KCNH7: variants seen among roughly 807,000 people sequenced by gnomAD.
KCNH7 encodes the protein voltage-gated inwardly rectifying potassium channel KCNH7.
A neutral mutation model predicts 120.8 loss-of-function variants in KCNH7; 49 were observed. The ratio of observed to expected loss-of-function variants is 0.41; its 90% confidence interval spans 0.32 to 0.51. The LOEUF (loss-of-function observed/expected upper bound fraction) is 0.51, where lower values mean the gene tolerates loss of function less well. Among genes scored for constraint, KCNH7 ranks in the 20% least tolerant of loss-of-function variants. The pLI is 0.38. For missense variants in KCNH7, 1,097 were observed against 1,446.6 expected, an observed-to-expected ratio of 0.76 and a Z score of 3.92; for synonymous variants, 547 against 516.1, an observed-to-expected ratio of 1.06 and a Z score of -0.81.
intron 3 of KCNH7, among the ~76,000 whole-genome samples, chr2:162,519,489 T>C (rs1208178791): frequency 6.6e-6 from 1 of 151,826 alleles, no homozygotes; most frequent in Non-Finnish European, 1.5e-5. Context: ...AGTGGGTGGG[T>C]TTGGAAGAAG....
chr2:162,707,260 A>G (rs1454513322), intron 2 of KCNH7, among the ~76,000 whole-genome samples: 1 of 152,134 alleles, frequency 6.6e-6, no homozygotes. Context: ...GAAAGAGCAA[A>G]CAGAATTCAT....
intron 2 of KCNH7, among the ~76,000 whole-genome samples, chr2:162,602,329 A>G (rs1694587219): frequency 6.6e-6 from 1 of 152,112 alleles, no homozygotes; most frequent in African/African-American, 2.4e-5. Flanking sequence ...AGTCTGAGGC[A>G]TGGTGGCTGA....
chr2:162,541,296 A>G (rs1457244077), intron 2 of KCNH7, among the ~76,000 whole-genome samples: 1 of 152,090 alleles, frequency 6.6e-6, no homozygotes, highest in Admixed American at 6.6e-5. Flanking sequence ...ATATAGTTGG[A>G]AAACTATGTG....
intron 9 of KCNH7, among the ~76,000 whole-genome samples, chr2:162,403,969 C>A (rs1049528291): frequency 6.6e-6 from 1 of 151,806 alleles, no homozygotes; most frequent in Non-Finnish European, 1.5e-5. Flanking sequence ...TCCAGGGCAC[C>A]CCTTTTCATT....
In KCNH7 at chr2:162,838,735, A is replaced by G. The variant is rs1274624724; in HGVS notation, c.-217T>C. On this transcript the variant is annotated 5_prime_UTR_variant, in exon 1 of 16. Transcript: ENST00000332142. The stretch of plus-strand genomic sequence containing the variant: ...CCTCACCTTCCGGAGGGGGCCTCGC[A>G]CCGGACTGCCGCGGGTGAGAGGGTT... 1 of 240,674 alleles carries G rather than the reference A, an allele frequency of 4.2e-6. No homozygotes were observed. The highest frequency in any genetic ancestry group is 2.4e-5 in the African/African-American group (1 of 42,324). 14.9% of individuals were successfully genotyped at this position (240,674 alleles called of 1,614,324 possible). A position where few individuals can be genotyped will look rare whatever the true frequency, so the allele number is the denominator to read the frequency against.
intron 2 of KCNH7, among the ~76,000 whole-genome samples, chr2:162,555,010 A>G (rs972478872): frequency 6.6e-6 from 1 of 152,168 alleles, no homozygotes; most frequent in Non-Finnish European, 1.5e-5. Context: ...ACACATCTAT[A>G]TGTATAAACA....
At chr2:162,491,658 G>A (rs957120563) in intron 6 of KCNH7, among the ~76,000 whole-genome samples, 1 of 152,158 alleles carries the variant, frequency 6.6e-6, no homozygotes, top group Non-Finnish European at 1.5e-5. Flanking sequence ...AGTTGCATTG[G>A]CATTCATGGG....
intron 2 of KCNH7, among the ~76,000 whole-genome samples, chr2:162,726,712 A>G (rs1574312217): frequency 6.6e-6 from 1 of 152,114 alleles, no homozygotes; most frequent in East Asian, 1.9e-4. Flanking sequence ...GAGACATGGC[A>G]CCCAGCCTAT....
At chr2:162,396,639 C>T (rs79777866) in intron 11 of KCNH7, 101 bp downstream of exon 11, 177 of 803,184 alleles carry the variant, frequency 2.2e-4, no homozygotes, top group Non-Finnish European at 3.4e-4. Context: ...TTGGTAAAGT[C>T]TTGCTGCAAT....
At chr2:162,447,717 G>A (rs1357974348) in intron 6 of KCNH7, among the ~76,000 whole-genome samples, 2 of 152,048 alleles carry the variant, frequency 1.3e-5, no homozygotes, top group African/African-American at 2.4e-5. Flanking sequence ...GTTTTAACTT[G>A]ACTGTAGTAA....
chr2:162,404,216 T>G (rs1025124711), intron 9 of KCNH7, among the ~76,000 whole-genome samples: 2 of 151,980 alleles, frequency 1.3e-5, no homozygotes, highest in Non-Finnish European at 2.9e-5. Context: ...CTTTCTTGAC[T>G]GTCCATGCTT....
chr2:162,424,889 T>C (rs1018427383), intron 8 of KCNH7, among the ~76,000 whole-genome samples: 1 of 152,176 alleles, frequency 6.6e-6, no homozygotes, highest in Non-Finnish European at 1.5e-5. Context: ...TTATATCAAC[T>C]TGACTGGGCC....
chr2:162,427,557 T>C (rs33998987), intron 8 of KCNH7, among the ~76,000 whole-genome samples: 45,896 of 151,716 alleles, frequency 0.3, 7,887 homozygotes, highest in East Asian at 0.73. Flanking sequence ...TGTCTTCTTA[T>C]TATGGATTTG....
At chr2:162,620,728 T>C (rs1051827481) in intron 2 of KCNH7, among the ~76,000 whole-genome samples, 2 of 152,170 alleles carry the variant, frequency 1.3e-5, no homozygotes, top group African/African-American at 4.8e-5. Context: ...TAACAGTCAG[T>C]TCAGGTAGAT....
intron 8 of KCNH7, 112 bp from the exon 9 acceptor site, chr2:162,423,647 C>T (rs1687771733): frequency 1.1e-6 from 1 of 916,254 alleles, no homozygotes. Context: ...GGGGATTTAC[C>T]ATTGGATCAC....
At chr2:162,516,597 A>G (rs1262558963) in intron 4 of KCNH7, among the ~76,000 whole-genome samples, 1 of 151,760 alleles carries the variant, frequency 6.6e-6, no homozygotes, top group Non-Finnish European at 1.5e-5. Flanking sequence ...TTAATGTTTT[A>G]AAGACAAAAC....
chr2:162,429,196 C>T (rs916994344), intron 8 of KCNH7, among the ~76,000 whole-genome samples: 1 of 151,618 alleles, frequency 6.6e-6, no homozygotes, highest in Non-Finnish European at 1.5e-5. Context: ...TAGCATAATA[C>T]CATCTCAAGA....
intron 2 of KCNH7, among the ~76,000 whole-genome samples, chr2:162,825,645 A>C (rs1685255065): frequency 6.6e-6 from 1 of 152,140 alleles, no homozygotes; most frequent in African/African-American, 2.4e-5. Flanking sequence ...TTTGTACAAC[A>C]GTAAAAAGTT....
chr2:162,694,552 C>T (rs931952844), intron 2 of KCNH7, among the ~76,000 whole-genome samples: 1 of 151,868 alleles, frequency 6.6e-6, no homozygotes, highest in African/African-American at 2.4e-5. Context: ...TTAAGCCCCT[C>T]ACTCAGAAAT....
Sources: allele counts gnomAD v4.1 joint callset (sites outside exome capture counted in the v4.1 genomes callset), GRCh38; gene constraint gnomAD v4.1.1; transcripts MANE v1.5; gene names NCBI Gene and HGNC (gene_info 2026-07-23, HGNC 2026-07-21).